Variants in CNTNAP4 observed in about 807,000 individuals in gnomAD.
CNTNAP4 encodes contactin associated protein family member 4.
CNTNAP4 carries 98 observed loss-of-function variants against 148.4 expected under a neutral mutation model. The observed-to-expected ratio is 0.66, with a 90% CI of 0.56 to 0.78. The LOEUF is 0.78. Ranked by LOEUF, CNTNAP4 falls within the 30% of genes least tolerant of loss-of-function variation. CNTNAP4 has a pLI of 0.00. For synonymous variants in CNTNAP4, 730 were observed against 565.1 expected (o/e 1.29, Z -4.14); for missense variants, 1,935 against 1,565.6 (o/e 1.24, Z -3.98).
chr16:76,425,280 T>C (rs1218707220), intron 3 of CNTNAP4, among the ~76,000 whole-genome samples: 2 of 152,162 alleles, frequency 1.3e-5, no homozygotes, highest in Non-Finnish European at 2.9e-5. Flanking sequence ...CTGCCATGGG[T>C]TGATACATTG....
chr16:76,498,309 T>C (rs60414066), intron 14 of CNTNAP4, among the ~76,000 whole-genome samples: 4,811 of 152,214 alleles, frequency 0.032, 111 homozygotes, highest in African/African-American at 0.07. Flanking sequence ...CAAGAATGGA[T>C]TTAACCCAGA....
intron 3 of CNTNAP4, among the ~76,000 whole-genome samples, chr16:76,409,825 A>G (rs2078728626): frequency 6.6e-6 from 1 of 151,902 alleles, no homozygotes; most frequent in East Asian, 1.9e-4. Flanking sequence ...AAACTCAAGT[A>G]ATGAGATTCA....
In CNTNAP4 at chr16:76,397,938, T is replaced by TTATATATATATA. The variant is rs1404929461; in HGVS notation, c.391-29508_391-29507insTATATATATATA. 6.4e-5 allele frequency among the ~76,000 whole-genome samples: 4 copies of TTATATATATATA among 62,282 alleles called. 2 individuals are homozygous for TTATATATATATA. The highest frequency in any genetic ancestry group is 1.3e-4 in the Non-Finnish European group (4 of 30,060). The allele number at this position is 62,282 out of a possible 152,430, so 40.9% of individuals were successfully genotyped here. On this transcript the variant is annotated intron_variant, in intron 3 of 23. Coordinates refer to ENST00000611870, the MANE Select transcript of CNTNAP4 (RefSeq NM_033401.5). ...TCTCTAGAGGGACAGAACTAATAGATTATATACATATATATATATATATAT... is the reference window on the plus strand; with the variant it reads ...TCTCTAGAGGGACAGAACTAATAGATTATATATATATATATATACATATATATATATATATAT...
intron 3 of CNTNAP4, among the ~76,000 whole-genome samples, chr16:76,377,164 A>G (rs1043115144): frequency 6.6e-6 from 1 of 151,998 alleles, no homozygotes; most frequent in South Asian, 2.1e-4. Flanking sequence ...TTTTTCATAT[A>G]TTGAGACCTT....
intron 4 of CNTNAP4, among the ~76,000 whole-genome samples, chr16:76,436,467 C>G (rs866612906): frequency 3.0e-4 from 40 of 132,364 alleles, no homozygotes; most frequent in African/African-American, 1.2e-3. Context: ...GAGCTCATGT[C>G]TGATTTTCCA....
chr16:76,448,084 T>A lies in CNTNAP4; in HGVS notation c.611T>A (p.Ile204Lys). Reference sequence around the variant, plus strand: ...TTTGATCAAAAATCCCTGAGCCCAATAAAAGACATTATTTCTTTGAAATTC... The same window carrying A: ...TTTGATCAAAAATCCCTGAGCCCAAAAAAAGACATTATTTCTTTGAAATTC... ...YRFDQKSLSP[I>K]KDIISLKFKT... The change falls in exon 5 of 24, where the codon ATA (isoleucine) becomes AAA (lysine). Residue 204 changes from isoleucine to lysine, a missense_variant. Physicochemically the swap from Ile to Lys is moderately radical, Grantham distance 102. Coordinates refer to ENST00000611870, the MANE Select transcript of CNTNAP4 (RefSeq NM_033401.5). 6.2e-7 allele frequency: 1 copy of A among 1,613,780 alleles called. No homozygotes were observed. Among genetic ancestry groups the A allele is most frequent in the Non-Finnish European group, 8.5e-7 (1 of 1,179,716 alleles).
intron 1 of CNTNAP4, among the ~76,000 whole-genome samples, chr16:76,295,616 G>A (rs1959221188): frequency 6.6e-6 from 1 of 151,986 alleles, no homozygotes; most frequent in South Asian, 2.1e-4. Context: ...ATAAAGAACA[G>A]GCAACAACAG....
intron 3 of CNTNAP4, among the ~76,000 whole-genome samples, chr16:76,385,005 C>T (rs1488440150): frequency 6.6e-6 from 1 of 152,040 alleles, no homozygotes; most frequent in African/African-American, 2.4e-5. Context: ...AGGAAAATAG[C>T]CTAAGGTATA....
chr16:76,533,402 A>G lies in CNTNAP4; in HGVS notation c.2756-2143A>G, dbSNP rs568361641. 8.0e-4 allele frequency among the ~76,000 whole-genome samples: 122 copies of G among 152,250 alleles called. 1 individual carries two copies. Among genetic ancestry groups the G allele is most frequent in the African/African-American group, 2.8e-3 (116 of 41,548 alleles). On this transcript the variant is annotated intron_variant, in intron 17 of 23. Coordinates refer to ENST00000611870, the MANE Select transcript of CNTNAP4 (RefSeq NM_033401.5). ...CTATTACAGCTAGACAGGAGGAAAA[A>G]GTTCTAGTGTTGTATGCCACTGTAG...
chr16:76,491,506 C>T (rs1438544828), intron 13 of CNTNAP4, among the ~76,000 whole-genome samples: 2 of 152,152 alleles, frequency 1.3e-5, no homozygotes, highest in Non-Finnish European at 2.9e-5. Flanking sequence ...TGGCATGAGC[C>T]CCCCTCATTT....
At chr16:76,473,533 G>A (rs9923208) in intron 10 of CNTNAP4, among the ~76,000 whole-genome samples, 6,168 of 152,080 alleles carry the variant, frequency 0.041, 291 homozygotes, top group African/African-American at 0.11. Flanking sequence ...CAGCACTTTG[G>A]GAGGCCGAGG....
chr16:76,552,823 A>C (rs2085013094), intron 21 of CNTNAP4, among the ~76,000 whole-genome samples: 1 of 152,184 alleles, frequency 6.6e-6, no homozygotes, highest in South Asian at 2.1e-4. Flanking sequence ...TGGGCATCTG[A>C]TAACAGAAGT....
chr16:76,292,672 G>T (rs1390822158), intron 1 of CNTNAP4, among the ~76,000 whole-genome samples: 1 of 151,896 alleles, frequency 6.6e-6, no homozygotes. Context: ...TTTCCTTCTG[G>T]CATCATAGAG....
At chr16:76,286,728 C>G (rs943025033) in intron 1 of CNTNAP4, among the ~76,000 whole-genome samples, 1 of 152,158 alleles carries the variant, frequency 6.6e-6, no homozygotes, top group African/African-American at 2.4e-5. Context: ...TCACATCTTT[C>G]ACTTTTATCT....
intron 3 of CNTNAP4, among the ~76,000 whole-genome samples, chr16:76,411,034 A>G (rs1254816321): frequency 6.6e-6 from 1 of 151,512 alleles, no homozygotes; most frequent in East Asian, 1.9e-4. Flanking sequence ...ACATTAATGT[A>G]CATCCATACA....
At chr16:76,470,507 G>A (rs1471133112) in intron 10 of CNTNAP4, among the ~76,000 whole-genome samples, 1 of 63,312 alleles carries the variant, frequency 1.6e-5, no homozygotes, top group Non-Finnish European at 3.1e-5. Context: ...AAAATTAGTC[G>A]GGCATGGTGG....
At chr16:76,485,346 A>C (rs1597699651) in intron 12 of CNTNAP4, among the ~76,000 whole-genome samples, 1 of 151,446 alleles carries the variant, frequency 6.6e-6, no homozygotes, top group Non-Finnish European at 1.5e-5. Flanking sequence ...CGAACTCCCG[A>C]CCTTAGGTGA....
intron 1 of CNTNAP4, among the ~76,000 whole-genome samples, chr16:76,283,639 C>G (rs1474051536): frequency 6.6e-6 from 1 of 151,880 alleles, no homozygotes; most frequent in Non-Finnish European, 1.5e-5. Flanking sequence ...AGGGAAACAA[C>G]ACACACTGGG....
In CNTNAP4 at chr16:76,495,166, AATG is replaced by A. The variant is rs2082359745; in HGVS notation, c.2237+102_2237+104del. The stretch of plus-strand genomic sequence containing the variant: ...AGCCAGATACTGAACAAGTTAGTGC[AATG>A]AAGTAATTAAATAAAGGTTTGTTTT... On this transcript the variant is annotated intron_variant, in intron 14 of 23. Transcript: ENST00000611870. 4.9e-6 allele frequency: 6 copies of A among 1,223,842 alleles called. No homozygotes were observed. The East Asian group carries it at 1.4e-4, about 29-fold the overall frequency. The allele number at this position is 1,223,842 out of a possible 1,614,324, so 75.8% of individuals were successfully genotyped here.
Sources: allele counts gnomAD v4.1 joint callset (sites outside exome capture counted in the v4.1 genomes callset), GRCh38; gene constraint gnomAD v4.1.1; transcripts MANE v1.5; gene names NCBI Gene and HGNC (gene_info 2026-07-23, HGNC 2026-07-21).